LRP5: variants seen among roughly 807,000 people sequenced by gnomAD.
LRP5 encodes low-density lipoprotein receptor-related protein 5.
Under a neutral mutation model 154.1 loss-of-function variants are expected in LRP5, and 62 were observed. The observed-to-expected ratio is 0.40, with a 90% CI of 0.33 to 0.50. The LOEUF is 0.50. LRP5 is among the 20% of genes least tolerant of loss of function. The pLI, the probability that LRP5 is intolerant of heterozygous loss-of-function variation, is 0.55. For missense variants in LRP5, 1,915 were observed against 2,336.7 expected, an observed-to-expected ratio of 0.82 and a Z score of 3.72; for synonymous variants, 966 against 1,011.5, an observed-to-expected ratio of 0.96 and a Z score of 0.85.
At chr11:68,342,704 C>G (rs2098609829) in intron 1 of LRP5, among the ~76,000 whole-genome samples, 1 of 152,232 alleles carries the variant, frequency 6.6e-6, no homozygotes, top group Non-Finnish European at 1.5e-5. Flanking sequence ...CACAGATGTC[C>G]CTGGGGCCTG....
rs1318079775 is a variant in LRP5 at position 68,353,795 on chromosome 11, T to C, written c.489-3855T>C. Among the ~76,000 whole-genome samples the C allele has an allele frequency of 6.6e-6, 1 of 152,140 alleles. No individual in the cohort carries two copies. The highest frequency in any genetic ancestry group is 1.5e-5 in the Non-Finnish European group (1 of 68,026). On this transcript the variant is annotated intron_variant, in intron 2 of 22. Coordinates refer to ENST00000294304, the MANE Select transcript of LRP5 (RefSeq NM_002335.4). The surrounding 1 kb of genome is among the most constrained non-coding windows in gnomAD (Gnocchi z 4.5). ...CTCTGGGTCCGAGCGTCCACCTCAG[T>C]GTGCACGTGGCCAAAAGGATCAAGA... is the stretch of plus-strand genomic sequence containing the variant.
chr11:68,409,710 G>A (rs544153036), intron 9 of LRP5, among the ~76,000 whole-genome samples: 14 of 87,852 alleles, frequency 1.6e-4, no homozygotes, highest in Admixed American at 1.4e-3. Context: ...TTAGCCAGGC[G>A]TGGTGGCATG....
At chr11:68,344,280 G>A (rs1304034583) in intron 1 of LRP5, among the ~76,000 whole-genome samples, 1 of 152,062 alleles carries the variant, frequency 6.6e-6, no homozygotes, top group Non-Finnish European at 1.5e-5. Flanking sequence ...GTCCAGTTCC[G>A]CTGCAGTTAT....
At chr11:68,356,227 G>T (rs189546326) in intron 2 of LRP5, among the ~76,000 whole-genome samples, 2 of 147,048 alleles carry the variant, frequency 1.4e-5, no homozygotes, top group Admixed American at 6.9e-5. Flanking sequence ...CTGCAGCCTC[G>T]ACCTCCCAGG....
Position 68,406,372 on chromosome 11 carries a change from G to A in LRP5, c.1802-152G>A, listed in dbSNP as rs2098655641. 2.7e-5 allele frequency: 22 copies of A among 807,040 alleles called. 1 individual carries two copies. The South Asian group carries it at 3.1e-4, about 11-fold the overall frequency. 50.0% of individuals were successfully genotyped at this position (807,040 alleles called of 1,614,324 possible). ...TTGAGGGTTTAGCCTGGCCAACCCA[G>A]CCATGAGGTCGGACCTGACCCGGGG... On this transcript the variant is annotated intron_variant, in intron 8 of 22. Coordinates refer to ENST00000294304, the MANE Select transcript of LRP5 (RefSeq NM_002335.4).
At chr11:68,366,157 G>A (rs935656784) in intron 5 of LRP5, among the ~76,000 whole-genome samples, 1 of 152,210 alleles carries the variant, frequency 6.6e-6, no homozygotes, top group African/African-American at 2.4e-5. Flanking sequence ...GGCCTCTGGG[G>A]CTGACCCTGG....
At chr11:68,322,905 C>T (rs1411102828) in intron 1 of LRP5, among the ~76,000 whole-genome samples, 1 of 152,236 alleles carries the variant, frequency 6.6e-6, no homozygotes, top group East Asian at 1.9e-4. Context: ...AGGGACTTGA[C>T]TGTGAAGTCC....
intron 5 of LRP5, among the ~76,000 whole-genome samples, chr11:68,380,518 C>T (rs1265116086): frequency 6.6e-6 from 1 of 152,238 alleles, no homozygotes; most frequent in Admixed American, 6.5e-5. Context: ...CCGACGATAA[C>T]CACTGTTGAC....
chr11:68,435,969 A>G lies in LRP5; in HGVS notation c.4001-920A>G, dbSNP rs550594068. 6.6e-5 allele frequency among the ~76,000 whole-genome samples: 10 copies of G among 152,202 alleles called. No individual in the cohort carries two copies. In the East Asian group the frequency reaches 1.9e-3, roughly 29 times the overall value. On this transcript the variant is annotated intron_variant, in intron 18 of 22. Coordinates refer to ENST00000294304, the MANE Select transcript of LRP5 (RefSeq NM_002335.4). Reference sequence around the variant, plus strand: ...TCAAACTCCTGGCCTCAAGTGATCCACCTACCTCGGCCTCCCAAAGTGCCA... The same window carrying G: ...TCAAACTCCTGGCCTCAAGTGATCCGCCTACCTCGGCCTCCCAAAGTGCCA...
chr11:68,445,347 G>A (rs925463768), intron 21 of LRP5, among the ~76,000 whole-genome samples: 6 of 152,114 alleles, frequency 3.9e-5, no homozygotes, highest in Non-Finnish European at 8.8e-5. Context: ...TGATCCGCCC[G>A]CCTCGGCCTC....
At chr11:68,444,569 C>T (rs2098680436) in intron 21 of LRP5, among the ~76,000 whole-genome samples, 1 of 119,948 alleles carries the variant, frequency 8.3e-6, no homozygotes, top group African/African-American at 3.3e-5. Context: ...CCCCAGCCCC[C>T]ACCCCCCACC....
chr11:68,383,386 C>T (rs2098641326), intron 5 of LRP5, among the ~76,000 whole-genome samples: 1 of 152,222 alleles, frequency 6.6e-6, no homozygotes, highest in Admixed American at 6.5e-5. Flanking sequence ...GGATGGGGCT[C>T]TTCCCGGCCA....
At position 68,439,864 on chromosome 11, in the gene LRP5, CAG is replaced by C; in HGVS notation, c.4437_4438del (p.Ala1481LeufsTer68). On this transcript the variant is annotated frameshift_variant, in exon 21 of 23. Coordinates refer to ENST00000294304, the MANE Select transcript of LRP5 (RefSeq NM_002335.4). LOFTEE classifies it high-confidence loss of function. Reference sequence around the variant, plus strand: ...CCCCTCTACGACCGGAACCACGTCACAGGGGCCTCGTCCAGCAGCTCGTCCAG... The same window carrying C: ...CCCCTCTACGACCGGAACCACGTCACGGGCCTCGTCCAGCAGCTCGTCCAG... The C allele has an allele frequency of 6.2e-7, 1 of 1,603,464 alleles. No homozygotes were observed.
chr11:68,427,974 T>TA (rs370883601), intron 16 of LRP5, among the ~76,000 whole-genome samples: 1,442 of 45,744 alleles, frequency 0.032, 17 homozygotes, highest in East Asian at 0.17. Context: ...TATTTTATTT[T>TA]TTTTATTTAT....
At chr11:68,405,321 A>AG (rs2098654995) in intron 8 of LRP5, among the ~76,000 whole-genome samples, 1 of 151,752 alleles carries the variant, frequency 6.6e-6, no homozygotes, top group Admixed American at 6.6e-5. Flanking sequence ...AAAAAAAAAA[A>AG]TTAGCCCGGC....
rs1266034682 is a variant in LRP5 at position 68,385,001 on chromosome 11, G to A, written c.1016-1315G>A. On this transcript the variant is annotated intron_variant, in intron 5 of 22. Transcript: ENST00000294304. ...GCCTGAGTTAAGCTTCTCTTGTGCC[G>A]GTTGTACGCTGTCAGGTCACACTGG... Among the ~76,000 whole-genome samples the A allele has an allele frequency of 3.3e-5, 5 of 152,226 alleles. No individual in the cohort carries two copies. In the East Asian group the frequency reaches 5.8e-4, roughly 18 times the overall value.
chr11:68,366,737 C>T (rs2098631282), intron 5 of LRP5, among the ~76,000 whole-genome samples: 1 of 152,102 alleles, frequency 6.6e-6, no homozygotes, highest in Admixed American at 6.5e-5. Context: ...GGTTGGAGAG[C>T]CTCCCCGACC....
intron 5 of LRP5, among the ~76,000 whole-genome samples, chr11:68,366,827 C>T (rs2098631338): frequency 6.6e-6 from 1 of 152,156 alleles, no homozygotes; most frequent in East Asian, 1.9e-4. Flanking sequence ...CGGCTCTGGA[C>T]AGCACCCCAT....
chr11:68,429,971 G>A (rs2098671019), intron 17 of LRP5, among the ~76,000 whole-genome samples: 1 of 152,192 alleles, frequency 6.6e-6, no homozygotes. Flanking sequence ...CTCCTGAGAT[G>A]ACATCTTTGG....
Sources: gnomAD v4.1 joint callset for allele counts (sites outside exome capture counted in the v4.1 genomes callset) on GRCh38, gnomAD v4.1.1 for gene constraint, Gnocchi (gnomAD v3.1) non-coding constraint, MANE v1.5 for transcripts, NCBI Gene and HGNC (gene_info 2026-07-23, HGNC 2026-07-21) for gene names.